The following ERCC8 variants were observed in gnomAD, a reference collection of about 807,000 sequenced individuals.
The protein encoded by ERCC8 is DNA excision repair protein ERCC-8.
In ERCC8, 52 loss-of-function variants were observed where a neutral mutation model predicts 54.9. The observed-to-expected ratio is 0.95, with a 90% CI of 0.76 to 1.19. The LOEUF is 1.19. Ranked by LOEUF, ERCC8 falls within the 50% of genes most tolerant of loss-of-function variation. The pLI is 0.00. For synonymous variants in ERCC8, 146 were observed against 157.2 expected (o/e 0.93, Z 0.53); for missense variants, 514 against 466.1 (o/e 1.10, Z -0.95).
rs111401795 is a variant in ERCC8 at position 60,892,545 on chromosome 5, T to C, written c.844-1459A>G. 546 of 639,244 alleles carry C rather than the reference T, an allele frequency of 8.5e-4. 12 individuals carry two copies. The African/African-American group carries it at 8.7e-3, about 10-fold the overall frequency. 39.6% of individuals were successfully genotyped at this position (639,244 alleles called of 1,614,324 possible). On this transcript the variant is annotated intron_variant, in intron 9 of 11. Coordinates refer to ENST00000676185, the MANE Select transcript of ERCC8 (RefSeq NM_000082.4). ...GGCTGCCTGCTCCTGACTGTGTAAG[T>C]CTCTCTTCTTCCCCAAATGGTGGGC...
intron 4 of ERCC8, among the ~76,000 whole-genome samples, chr5:60,915,739 C>A (rs925913127): frequency 1.3e-5 from 2 of 151,986 alleles, no homozygotes; most frequent in Non-Finnish European, 2.9e-5. Context: ...AAATTTACCC[C>A]GTCTCCTTCT....
chr5:60,903,008 T>C (rs1442052853), intron 6 of ERCC8, among the ~76,000 whole-genome samples: 1 of 151,972 alleles, frequency 6.6e-6, no homozygotes, highest in Non-Finnish European at 1.5e-5. Flanking sequence ...TTTAGCTAAC[T>C]GAACTATTCA....
intron 5 of ERCC8, among the ~76,000 whole-genome samples, chr5:60,903,964 CAAGCAGTTGCA>C (rs1162380090): frequency 6.6e-6 from 1 of 151,932 alleles, no homozygotes; most frequent in Non-Finnish European, 1.5e-5. Flanking sequence ...TATAGATTTG[CAAGCAGTTGCA>C]AAGCTAGTAT....
chr5:60,906,792 G>C (rs966559513), intron 4 of ERCC8, among the ~76,000 whole-genome samples: 7 of 151,984 alleles, frequency 4.6e-5, no homozygotes, highest in Admixed American at 4.6e-4. Context: ...AAAAAATAGA[G>C]TATTAACTAA....
intron 1 of ERCC8, among the ~76,000 whole-genome samples, chr5:60,938,350 ATTTTTTT>A (rs1231887020): frequency 2.4e-5 from 1 of 41,042 alleles, no homozygotes; most frequent in South Asian, 7.3e-4. Flanking sequence ...ACCTTTTTGA[ATTTTTTT>A]TTTTTTTTTT....
intron 11 of ERCC8, among the ~76,000 whole-genome samples, chr5:60,886,758 G>A (rs1748406026): frequency 6.8e-6 from 1 of 146,406 alleles, no homozygotes; most frequent in South Asian, 2.1e-4. Context: ...AAAAAGAAAA[G>A]AAAAGAAAAA....
At chr5:60,896,934 C>A (rs527489899) in intron 9 of ERCC8, among the ~76,000 whole-genome samples, 1 of 152,282 alleles carries the variant, frequency 6.6e-6, no homozygotes, top group East Asian at 1.9e-4. Context: ...CACTCACAAG[C>A]CTTTAGTGGC....
chr5:60,897,119 ACC>A (rs559019732), intron 9 of ERCC8, among the ~76,000 whole-genome samples: 293 of 152,114 alleles, frequency 1.9e-3, no homozygotes, highest in Middle Eastern at 6.8e-3. Flanking sequence ...GGGTCTTTGT[ACC>A]TTTTTTCTTT....
chr5:60,911,535 G>A (rs2112506215), intron 4 of ERCC8, among the ~76,000 whole-genome samples: 1 of 151,940 alleles, frequency 6.6e-6, no homozygotes, highest in Non-Finnish European at 1.5e-5. Context: ...CTCCCATTCT[G>A]TAGGTTGCAT....
intron 2 of ERCC8, among the ~76,000 whole-genome samples, chr5:60,927,763 A>G (rs1329554187): frequency 6.6e-6 from 1 of 152,154 alleles, no homozygotes; most frequent in Non-Finnish European, 1.5e-5. Context: ...CCTTGAATAG[A>G]AGGTGTTACA....
At chr5:60,912,510 C>A (rs1403349054) in intron 4 of ERCC8, among the ~76,000 whole-genome samples, 1 of 152,106 alleles carries the variant, frequency 6.6e-6, no homozygotes, top group East Asian at 1.9e-4. Flanking sequence ...ATGGGGTTTT[C>A]TAGATATAGA....
chr5:60,910,581 C>T (rs551033048), intron 4 of ERCC8, among the ~76,000 whole-genome samples: 59 of 152,048 alleles, frequency 3.9e-4, no homozygotes, highest in Middle Eastern at 3.4e-3. Context: ...TCTGTGTATT[C>T]GGAATAGTCT....
At chr5:60,886,472 C>A (rs1277425753) in intron 11 of ERCC8, among the ~76,000 whole-genome samples, 1 of 152,016 alleles carries the variant, frequency 6.6e-6, no homozygotes, top group Admixed American at 6.6e-5. Context: ...GAGGCCAAGG[C>A]AGGTGGATCA....
chr5:60,876,261 T>G (rs1748004083), intron 11 of ERCC8, among the ~76,000 whole-genome samples: 4 of 152,234 alleles, frequency 2.6e-5, no homozygotes, highest in Admixed American at 2.6e-4. Context: ...TGCCACATTT[T>G]CTTAATCCAG....
chr5:60,933,208 T>C (rs959794358), intron 1 of ERCC8, among the ~76,000 whole-genome samples: 7 of 119,698 alleles, frequency 5.8e-5, no homozygotes, highest in Non-Finnish European at 9.9e-5. Flanking sequence ...CATTTTTTCC[T>C]TTTTTTTCTT....
intron 4 of ERCC8, among the ~76,000 whole-genome samples, chr5:60,908,079 T>A (rs1749131999): frequency 6.6e-6 from 1 of 152,186 alleles, no homozygotes; most frequent in Non-Finnish European, 1.5e-5. Context: ...TTTAGCAGAC[T>A]TTGCTTTCAT....
chr5:60,925,195 C>T lies in ERCC8; in HGVS notation c.174-3040G>A, dbSNP rs184586240. 2.0e-5 allele frequency among the ~76,000 whole-genome samples: 3 copies of T among 152,184 alleles called. No individual in the cohort carries two copies. In the East Asian group the frequency reaches 5.8e-4, roughly 29 times the overall value. On this transcript the variant is annotated intron_variant, in intron 2 of 11. Transcript: ENST00000676185. Reference sequence around the variant, plus strand: ...TTTAAATTTTATATATTAAAACATCCTCTTCTTCCCTTAAAAATTTTTTTT... The same window carrying T: ...TTTAAATTTTATATATTAAAACATCTTCTTCTTCCCTTAAAAATTTTTTTT...
chr5:60,889,704 G>C (rs1351669434), intron 10 of ERCC8, among the ~76,000 whole-genome samples: 1 of 152,192 alleles, frequency 6.6e-6, no homozygotes, highest in Non-Finnish European at 1.5e-5. Context: ...AATTTCGGCT[G>C]TGTCTCTAAG....
chr5:60,938,079 ATATATATTTTAT>A (rs1384378010), intron 1 of ERCC8, among the ~76,000 whole-genome samples: 31 of 18,792 alleles, frequency 1.6e-3, no homozygotes, highest in East Asian at 6.4e-3. Flanking sequence ...ATATATATAT[ATATATATTTTAT>A]TTTTTTTTTT....
Sources: gnomAD v4.1 joint callset for allele counts (sites outside exome capture counted in the v4.1 genomes callset) on GRCh38, gnomAD v4.1.1 for gene constraint, MANE v1.5 for transcripts, NCBI Gene and HGNC (gene_info 2026-07-23, HGNC 2026-07-21) for gene names.